The following NUP210L variants were observed in gnomAD, a reference collection of about 807,000 sequenced individuals.
NUP210L encodes nuclear pore membrane glycoprotein 210-like.
A neutral mutation model predicts 208.5 loss-of-function variants in NUP210L; 74 were observed. The ratio of observed to expected loss-of-function variants is 0.35; its 90% CI spans 0.29 to 0.43. The LOEUF (loss-of-function observed/expected upper bound fraction) is 0.43. Ranked by LOEUF, NUP210L falls within the 20% of genes least tolerant of loss-of-function variation. The probability of loss-of-function intolerance (pLI) is 1.00; values close to 1 mark genes in which losing one functional copy is unlikely to be tolerated. For synonymous variants in NUP210L, 780 were observed against 816.9 expected, an observed-to-expected ratio of 0.95 and a Z score of 0.77; for missense variants, 1,843 against 2,289.4, an observed-to-expected ratio of 0.81 and a Z score of 3.98.
At chr1:154,016,205 A>G (rs771562042) in intron 33 of NUP210L, among the ~76,000 whole-genome samples, 2 of 151,864 alleles carry the variant, frequency 1.3e-5, no homozygotes, top group African/African-American at 4.8e-5. Context: ...GCAGTGAGCC[A>G]TGATTGCATC....
At chr1:154,020,592 T>A (rs951154999) in intron 32 of NUP210L, among the ~76,000 whole-genome samples, 27 of 152,182 alleles carry the variant, frequency 1.8e-4, no homozygotes, top group African/African-American at 6.5e-4. Flanking sequence ...AGTGGTGTGA[T>A]CTTGGCTCAC....
intron 16 of NUP210L, among the ~76,000 whole-genome samples, chr1:154,071,208 C>A (rs1476346095): frequency 6.6e-6 from 1 of 151,878 alleles, no homozygotes; most frequent in East Asian, 1.9e-4. Context: ...GCCATCCTCC[C>A]AATTCAGTCG....
intron 24 of NUP210L, 99 bp from the exon 25 acceptor site, chr1:154,054,506 C>T: frequency 1.7e-6 from 2 of 1,151,350 alleles, no homozygotes; most frequent in African/African-American, 1.5e-5. Context: ...CTTCATCTTC[C>T]CCCATTTCTT....
At chr1:154,085,604 G>A (rs1433458867) in intron 16 of NUP210L, among the ~76,000 whole-genome samples, 1 of 152,068 alleles carries the variant, frequency 6.6e-6, no homozygotes. Flanking sequence ...CAAAATCTCT[G>A]CTGGCTTTGA....
Position 154,149,935 on chromosome 1 carries a change from T to C in NUP210L, c.340+2801A>G, listed in dbSNP as rs554825844. Among the ~76,000 whole-genome samples, 4 of 152,314 alleles carry C rather than the reference T, an allele frequency of 2.6e-5. No homozygotes were observed. The South Asian group carries it at 8.3e-4, about 32-fold the overall frequency. ...GCCCTGTGAACTTTTTCACCTAAAA[T>C]TATGCTCTCAGCCGGGTGTGGTTGG... On this transcript the variant is annotated intron_variant, in intron 2 of 39. Coordinates refer to ENST00000368559, the Ensembl canonical transcript of NUP210L.
rs543149610 is a variant in NUP210L at position 154,124,821 on chromosome 1, A to T, written c.1326+1502T>A. On this transcript the variant is annotated intron_variant, in intron 10 of 39. Coordinates refer to ENST00000368559, the Ensembl canonical transcript of NUP210L. ...ATAAAAATTAGCTGGGTGTGGTGGC[A>T]CACGCCTGTAGTCCCAGCTACTTGG... 2.0e-5 allele frequency among the ~76,000 whole-genome samples: 3 copies of T among 152,080 alleles called. No homozygotes were observed. The East Asian group carries it at 5.8e-4, about 29-fold the overall frequency.
At chr1:154,037,697 A>T (rs763658758) in intron 27 of NUP210L, among the ~76,000 whole-genome samples, 2 of 150,956 alleles carry the variant, frequency 1.3e-5, no homozygotes, top group Non-Finnish European at 2.9e-5. Context: ...TGAGATGGAG[A>T]CTTGCTCCTC....
chr1:154,055,322 C>G (rs1653806253), intron 23 of NUP210L, among the ~76,000 whole-genome samples: 1 of 151,916 alleles, frequency 6.6e-6, no homozygotes, highest in Non-Finnish European at 1.5e-5. Context: ...GAGACCTCAG[C>G]TCACTGCAAC....
intron 17 of NUP210L, among the ~76,000 whole-genome samples, chr1:154,068,552 C>T (rs1227142837): frequency 6.6e-6 from 1 of 151,808 alleles, no homozygotes; most frequent in Non-Finnish European, 1.5e-5. Context: ...TGGTGGTGGG[C>T]GCCTGTAGTC....
chr1:154,062,917 C>T (rs903658992), intron 17 of NUP210L, among the ~76,000 whole-genome samples: 1 of 151,990 alleles, frequency 6.6e-6, no homozygotes, highest in Non-Finnish European at 1.5e-5. Context: ...ATGAATCTGC[C>T]ACTTCACTTA....
At chr1:154,040,250 A>G (rs1652794067) in intron 27 of NUP210L, among the ~76,000 whole-genome samples, 1 of 152,070 alleles carries the variant, frequency 6.6e-6, no homozygotes, top group South Asian at 2.1e-4. Flanking sequence ...TTCTAAAAGA[A>G]CTAGAGGAGC....
rs759289306 is a variant in NUP210L, at chr1:154,100,189, C to T, written c.1820-46G>A. 8.8e-6 allele frequency: 14 copies of T among 1,599,166 alleles called. No homozygotes were observed. In the African/African-American group the frequency reaches 1.1e-4, roughly 12 times the overall value. ...TTTTGGCAGGGCGTGGTGGCTCAGG[C>T]TTGTAATCCCAGCACTTTGGGAGGC... On this transcript the variant is annotated intron_variant, in intron 13 of 39. Coordinates refer to ENST00000368559, the Ensembl canonical transcript of NUP210L.
At chr1:153,998,978 G>T (rs1199032912) in intron 37 of NUP210L, among the ~76,000 whole-genome samples, 1 of 151,982 alleles carries the variant, frequency 6.6e-6, no homozygotes, top group Non-Finnish European at 1.5e-5. Flanking sequence ...GCCTCCCAAA[G>T]TGCTAGGATT....
intron 37 of NUP210L, among the ~76,000 whole-genome samples, chr1:153,999,632 G>T (rs1315858577): frequency 6.6e-6 from 1 of 150,496 alleles, no homozygotes; most frequent in Non-Finnish European, 1.5e-5. Flanking sequence ...AGCTACTCAG[G>T]AGTCTGAGGC....
At chr1:154,139,939 A>G in exon 5 of NUP210L, 1 of 1,608,584 alleles carries the variant, frequency 6.2e-7, no homozygotes, top group Non-Finnish European at 8.5e-7. Context: ...TCTGCTTCGG[A>G]GTATTTAAGA....
intron 14 of NUP210L, among the ~76,000 whole-genome samples, chr1:154,097,073 CA>C (rs535777361): frequency 2.0e-4 from 29 of 146,100 alleles, no homozygotes; most frequent in South Asian, 1.1e-3. Flanking sequence ...GACTCTGTCT[CA>C]AAAAAAAAAA....
intron 34 of NUP210L, among the ~76,000 whole-genome samples, chr1:154,011,694 T>G (rs1266527859): frequency 2.9e-5 from 4 of 137,858 alleles, no homozygotes; most frequent in Non-Finnish European, 6.3e-5. Flanking sequence ...TTTTTTTTTT[T>G]TTTTTTTTTT....
intron 13 of NUP210L, among the ~76,000 whole-genome samples, 187 bp downstream of exon 13, chr1:154,103,821 CACTT>C (rs1387078016): frequency 1.3e-5 from 2 of 151,572 alleles, no homozygotes; most frequent in African/African-American, 2.4e-5. Flanking sequence ...AGGAGTATAA[CACTT>C]ACTACAAGGC....
chr1:154,029,210 C>A (rs140955942), intron 28 of NUP210L, among the ~76,000 whole-genome samples: 6 of 149,580 alleles, frequency 4.0e-5, no homozygotes, highest in African/African-American at 1.5e-4. Context: ...AACCCTGTCT[C>A]TACTAAAAAT....
Sources: gnomAD v4.1 joint callset for allele counts (sites outside exome capture counted in the v4.1 genomes callset) on GRCh38, gnomAD v4.1.1 for gene constraint, MANE v1.5 for transcripts, NCBI Gene and HGNC (gene_info 2026-07-23, HGNC 2026-07-21) for gene names.